KY: variants seen among roughly 807,000 people sequenced by gnomAD.
The protein encoded by KY is kyphoscoliosis peptidase.
Under a neutral mutation model 76.1 loss-of-function variants are expected in KY, and 43 were observed. The observed-to-expected ratio is 0.57, with a 90% CI of 0.44 to 0.73. KY has a LOEUF of 0.73. KY is among the 30% of genes least tolerant of loss of function. KY has a pLI of 0.00. For synonymous variants in KY, 277 were observed against 326.2 expected (o/e 0.85, Z 1.63); for missense variants, 722 against 828.9 (o/e 0.87, Z 1.58).
intron 8 of KY, chr3:134,615,184 G>A (rs1961307445): frequency 6.6e-6 from 1 of 152,110 alleles, no homozygotes; most frequent in Non-Finnish European, 1.5e-5. Flanking sequence ...CTCTCTCCAG[G>A]GCCCCATGCA....
intron 10 of KY, chr3:134,607,848 A>T (rs1305443736): frequency 1.0e-6 from 1 of 987,782 alleles, no homozygotes; most frequent in Non-Finnish European, 1.2e-6. Context: ...TCCCGCCTCC[A>T]GAAGGGAGGG....
chr3:134,646,912 A>G (rs1306453081), intron 2 of KY, among the ~76,000 whole-genome samples: 1 of 152,122 alleles, frequency 6.6e-6, no homozygotes, highest in Non-Finnish European at 1.5e-5. Flanking sequence ...GTGTTACCAC[A>G]GAGATCCTGG....
rs541018515 is a variant in KY at position 134,603,480 on chromosome 3, C to A, written c.*99G>T. ...GCAGAGGCCTAGAAGGGATTTCATG[C>A]AGACTCAGTGGTGTCCAGGGCTCCC... On this transcript the variant is annotated 3_prime_UTR_variant, in exon 11 of 11. Transcript: ENST00000423778. The A allele has an allele frequency of 1.1e-5, 12 of 1,068,930 alleles. No homozygotes were observed. Among genetic ancestry groups the A allele is most frequent in the Non-Finnish European group, 1.6e-5 (12 of 740,460 alleles). 66.2% of individuals were successfully genotyped at this position (1,068,930 alleles called of 1,614,324 possible). A position where few individuals can be genotyped will look rare whatever the true frequency, so the allele number is the denominator to read the frequency against.
intron 3 of KY, among the ~76,000 whole-genome samples, chr3:134,642,537 A>AGT (rs33990446): frequency 6.3e-5 from 2 of 31,832 alleles, no homozygotes; most frequent in African/African-American, 1.4e-4. Flanking sequence ...AGTCAACTGT[A>AGT]GTCAGTGATG....
At chr3:134,622,064 A>G (rs1234794255) in intron 6 of KY, among the ~76,000 whole-genome samples, 1 of 152,226 alleles carries the variant, frequency 6.6e-6, no homozygotes, top group Non-Finnish European at 1.5e-5. Flanking sequence ...CCAGAAAATA[A>G]TGTGTTGGCA....
chr3:134,632,182 A>T (rs777531655), intron 3 of KY, among the ~76,000 whole-genome samples: 3 of 152,098 alleles, frequency 2.0e-5, no homozygotes, highest in Non-Finnish European at 4.4e-5. Context: ...AGATTTTAAC[A>T]CTAATCTTTC....
In KY at chr3:134,604,129, C is replaced by T. The variant is rs778872526; in HGVS notation, c.1436G>A (p.Arg479His). 44 of 1,608,090 alleles carry T rather than the reference C, an allele frequency of 2.7e-5. No individual in the cohort carries two copies. The highest frequency in any genetic ancestry group is 3.5e-5 in the Non-Finnish European group (41 of 1,177,012). ...PDPIIHTSDG[R>H]CSISFSVEEG... is the part of the protein sequence containing the mutation. Reference sequence around the variant, plus strand: ...CTCCACGCTGAAGCTGATGGAGCAGCGCCCGTCGCTGGTGTGGATGATAGG... The same window carrying T: ...CTCCACGCTGAAGCTGATGGAGCAGTGCCCGTCGCTGGTGTGGATGATAGG... The change falls in exon 11 of 11, where the codon CGC (arginine) becomes CAC (histidine). Residue 479 changes from arginine (R) to histidine (H), a missense_variant. Arg to His is a conservative substitution (Grantham distance 29). Transcript: ENST00000423778.
intron 3 of KY, 91 bp downstream of exon 3, chr3:134,643,225 T>G: frequency 7.9e-6 from 10 of 1,262,620 alleles, no homozygotes; most frequent in Non-Finnish European, 1.1e-5. Context: ...CCCCATAGTC[T>G]GAGCTCCACA....
At chr3:134,629,809 G>A in intron 3 of KY, 114 bp from the exon 4 acceptor site, 2 of 671,808 alleles carry the variant, frequency 3.0e-6, no homozygotes, top group Non-Finnish European at 5.3e-6. Flanking sequence ...TCTTTTGTGT[G>A]TACAAATCAT....
intron 10 of KY, 95 bp from the exon 11 acceptor site, chr3:134,604,569 C>A: frequency 1.8e-6 from 2 of 1,093,604 alleles, no homozygotes; most frequent in East Asian, 4.8e-5. Flanking sequence ...AGAAAAACGT[C>A]CTGACTTATA....
rs551135857 is a variant in KY at position 134,635,412 on chromosome 3, G to A, written c.263-5717C>T. ...CTCGGGAGGCTGAGGCAGGAGAATC[G>A]CTTGGACCTGGGAGGCGGAGGTTGC... is the stretch of plus-strand genomic sequence containing the variant. On this transcript the variant is annotated intron_variant, in intron 3 of 10. Transcript: ENST00000423778. Among the ~76,000 whole-genome samples, 50 of 148,042 alleles carry A rather than the reference G, an allele frequency of 3.4e-4. No individual in the cohort carries two copies. In the South Asian group the frequency reaches 8.4e-3, roughly 25 times the overall value.
chr3:134,624,586 A>G (rs1963165151), intron 6 of KY, among the ~76,000 whole-genome samples: 1 of 152,222 alleles, frequency 6.6e-6, no homozygotes, highest in African/African-American at 2.4e-5. Flanking sequence ...AGACATGCTC[A>G]GGGCCAGAGG....
intron 8 of KY, among the ~76,000 whole-genome samples, chr3:134,614,319 C>T (rs13098546): frequency 0.35 from 52,478 of 151,868 alleles, 9,455 homozygotes; most frequent in African/African-American, 0.37. Context: ...GCAGAATCTT[C>T]GCTTCTACTT....
At chr3:134,608,222 G>C in intron 10 of KY, 1 of 1,186,564 alleles carries the variant, frequency 8.4e-7, no homozygotes. Context: ...CTTCTGTTGG[G>C]GACCTGAGCC....
At chr3:134,636,866 A>G (rs766575906) in intron 3 of KY, among the ~76,000 whole-genome samples, 1 of 152,206 alleles carries the variant, frequency 6.6e-6, no homozygotes, top group Non-Finnish European at 1.5e-5. Context: ...GTCTTTGCCT[A>G]TACTTAGTTA....
chr3:134,650,899 T>C lies in KY; in HGVS notation c.62A>G (p.Glu21Gly), dbSNP rs1247120012. Residue 21 changes from glutamate to glycine, a missense_variant, in exon 1 of 11, where the codon GAG becomes GGG. Transcript: ENST00000423778. ...SIDMLLIVHSEKRRAAQGTLS... is the reference protein window; with the variant it reads ...SIDMLLIVHSGKRRAAQGTLS... ...CGTACCCTGTGCGGCGCGCCGCTTC[T>C]CCGAGTGCACGATCAGCAGCATGTC... The C allele has an allele frequency of 2.5e-6, 4 of 1,613,034 alleles. No individual in the cohort carries two copies. In the Admixed American group the frequency reaches 5.0e-5, roughly 20 times the overall value.
At chr3:134,629,831 T>C in intron 3 of KY, 136 bp from the exon 4 acceptor site, 1 of 629,802 alleles carries the variant, frequency 1.6e-6, no homozygotes, top group Non-Finnish European at 2.8e-6. Context: ...CTTGTTTTTT[T>C]CTTTAAATCA....
chr3:134,605,898 A>G (rs1450842592), intron 10 of KY, among the ~76,000 whole-genome samples: 1 of 152,086 alleles, frequency 6.6e-6, no homozygotes. Context: ...CTCCAATGCC[A>G]TTGCTTCCCC....
Position 134,603,517 on chromosome 3 carries a change from C to G in KY, c.*62G>C. 6.8e-7 allele frequency: 1 copy of G among 1,461,020 alleles called. No individual in the cohort carries two copies. The highest frequency in any genetic ancestry group is 9.2e-7 in the Non-Finnish European group (1 of 1,084,326). The allele number at this position is 1,461,020 out of a possible 1,614,324, so 90.5% of individuals were successfully genotyped here. On this transcript the variant is annotated 3_prime_UTR_variant, in exon 11 of 11. Transcript: ENST00000423778. ...TGTCCAGGGCTCCCTGCACTTCCTT[C>G]GAGCCCTCCCTGGGGAGGTCTGGCC...
Sources: allele counts gnomAD v4.1 joint callset (sites outside exome capture counted in the v4.1 genomes callset), GRCh38; gene constraint gnomAD v4.1.1; transcripts MANE v1.5; gene names NCBI Gene and HGNC (gene_info 2026-07-23, HGNC 2026-07-21).